The following KLHL1 variants were observed in gnomAD, a reference collection of about 807,000 sequenced individuals.
The protein encoded by KLHL1 is kelch like family member 1.
In KLHL1, 47 loss-of-function variants were observed where a neutral mutation model predicts 77.7. That is an observed-to-expected ratio of 0.60 (90% confidence interval 0.48 to 0.77). The LOEUF (loss-of-function observed/expected upper bound fraction) is 0.77. KLHL1 is among the 30% of genes least tolerant of loss of function. The pLI is 0.00. For synonymous variants in KLHL1, 360 were observed against 325.2 expected (o/e 1.11, Z -1.15); for missense variants, 925 against 910.8 (o/e 1.02, Z -0.20).
At chr13:69,881,362 A>T (rs1880981561) in intron 5 of KLHL1, among the ~76,000 whole-genome samples, 1 of 152,100 alleles carries the variant, frequency 6.6e-6, no homozygotes, top group African/African-American at 2.4e-5. Flanking sequence ...TCTCTGTTTT[A>T]TATTTTTAGT....
At chr13:69,793,621 AAT>A (rs1280463687) in intron 7 of KLHL1, among the ~76,000 whole-genome samples, 2 of 152,012 alleles carry the variant, frequency 1.3e-5, no homozygotes, top group African/African-American at 4.8e-5. Flanking sequence ...TTGAATGTAT[AAT>A]ATGTTATTAT....
At chr13:69,941,219 A>T (rs1162832851) in intron 3 of KLHL1, among the ~76,000 whole-genome samples, 1 of 152,070 alleles carries the variant, frequency 6.6e-6, no homozygotes, top group Non-Finnish European at 1.5e-5. Flanking sequence ...AGTCTCAATC[A>T]ATTTAAGAAA....
intron 1 of KLHL1, among the ~76,000 whole-genome samples, chr13:70,035,703 G>T (rs1246120072): frequency 6.6e-6 from 1 of 151,986 alleles, no homozygotes; most frequent in Admixed American, 6.6e-5. Context: ...AGCAGCAGGA[G>T]CACATGTGCC....
chr13:69,883,614 A>G (rs1040208624), intron 4 of KLHL1, among the ~76,000 whole-genome samples: 1 of 152,208 alleles, frequency 6.6e-6, no homozygotes, highest in Non-Finnish European at 1.5e-5. Context: ...CCTGATTTAT[A>G]TAACCTTGTA....
intron 5 of KLHL1, among the ~76,000 whole-genome samples, chr13:69,842,814 A>T (rs1429298342): frequency 6.6e-6 from 1 of 151,902 alleles, no homozygotes; most frequent in Admixed American, 6.6e-5. Context: ...TAATGAATAA[A>T]GAAAATGTGG....
chr13:69,735,977 C>T (rs1873745167), intron 8 of KLHL1, among the ~76,000 whole-genome samples: 1 of 152,014 alleles, frequency 6.6e-6, no homozygotes, highest in African/African-American at 2.4e-5. Context: ...TGTGTATGCA[C>T]ATATACAGTG....
intron 9 of KLHL1, among the ~76,000 whole-genome samples, chr13:69,713,545 TAA>T (rs1875976769): frequency 6.6e-6 from 1 of 152,172 alleles, no homozygotes; most frequent in African/African-American, 2.4e-5. Context: ...GTCATTGTAT[TAA>T]GTTACATTTA....
intron 7 of KLHL1, among the ~76,000 whole-genome samples, chr13:69,757,177 C>T (rs527452979): frequency 4.6e-5 from 7 of 152,128 alleles, no homozygotes; most frequent in South Asian, 4.2e-4. Flanking sequence ...TTATCATTTC[C>T]GTGAACCTCC....
chr13:69,816,885 G>C (rs1382735877), intron 6 of KLHL1, among the ~76,000 whole-genome samples: 2 of 152,060 alleles, frequency 1.3e-5, no homozygotes, highest in African/African-American at 4.8e-5. Flanking sequence ...CTGAACCCAG[G>C]AGGCAGAGTT....
intron 7 of KLHL1, among the ~76,000 whole-genome samples, chr13:69,768,889 T>G (rs1875436258): frequency 6.6e-6 from 1 of 152,210 alleles, no homozygotes. Context: ...GAACTAACAT[T>G]CTTTTTAATG....
chr13:69,957,784 T>C (rs980349694), intron 3 of KLHL1, among the ~76,000 whole-genome samples: 3 of 151,820 alleles, frequency 2.0e-5, no homozygotes, highest in Non-Finnish European at 4.4e-5. Flanking sequence ...GCAGATTTTC[T>C]AGTAGAAAAC....
chr13:70,024,634 C>CTCTTTCTCTCTTTCTCTCTT (rs1287640796), intron 1 of KLHL1, among the ~76,000 whole-genome samples: 2 of 83,654 alleles, frequency 2.4e-5, no homozygotes, highest in East Asian at 5.0e-4. Flanking sequence ...CTCTCTCTCT[C>CTCTTTCTCTCTTTCTCTCTT]TCTCTCTCTC....
intron 6 of KLHL1, among the ~76,000 whole-genome samples, chr13:69,826,286 A>G (rs1878544833): frequency 6.6e-6 from 1 of 152,206 alleles, no homozygotes; most frequent in Non-Finnish European, 1.5e-5. Context: ...TATAGTTAAT[A>G]ACAATGTATT....
intron 6 of KLHL1, among the ~76,000 whole-genome samples, chr13:69,831,312 T>A (rs1172353324): frequency 6.7e-6 from 1 of 150,014 alleles, no homozygotes; most frequent in African/African-American, 2.5e-5. Flanking sequence ...AGGACTACTA[T>A]GATCACCTTT....
chr13:70,057,135 T>A (rs1481942505), intron 1 of KLHL1, among the ~76,000 whole-genome samples: 1 of 152,080 alleles, frequency 6.6e-6, no homozygotes, highest in East Asian at 1.9e-4. Flanking sequence ...CAAATGATCA[T>A]TAGAGACTGC....
rs140867954 is a variant in KLHL1 at position 69,771,435 on chromosome 13, G to T, written c.1639+25303C>A. On this transcript the variant is annotated intron_variant, in intron 7 of 10. Coordinates refer to ENST00000377844, the MANE Select transcript of KLHL1 (RefSeq NM_020866.3). ...CTCCTCATTTTAAATTTTTTAGAGG[G>T]ATGCTGAAAGGTTGATATGCCTCTA... Among the ~76,000 whole-genome samples, 14 of 152,168 alleles carry T rather than the reference G, an allele frequency of 9.2e-5. No homozygotes were observed. In the South Asian group the frequency reaches 1.5e-3, roughly 16 times the overall value.
intron 1 of KLHL1, among the ~76,000 whole-genome samples, chr13:70,030,013 G>C (rs2137364410): frequency 6.6e-6 from 1 of 152,288 alleles, no homozygotes; most frequent in East Asian, 1.9e-4. Flanking sequence ...TTACATAATG[G>C]TAAAGGGATC....
At position 69,875,904 on chromosome 13, in the gene KLHL1, A is replaced by G. The variant is rs560275759; in HGVS notation, c.1227+6379T>C. On this transcript the variant is annotated intron_variant, in intron 5 of 10. Transcript: ENST00000377844. ...TAGCTTTGTAGAGAAGACTATCTCA[A>G]TAATGATGGCCTGGTATAATCATTA... 1.9e-3 allele frequency among the ~76,000 whole-genome samples: 282 copies of G among 152,104 alleles called. 2 individuals are homozygous for G. The highest frequency in any genetic ancestry group is 3.5e-3 in the Non-Finnish European group (235 of 67,990).
At chr13:69,869,084 T>C (rs951853339) in intron 5 of KLHL1, among the ~76,000 whole-genome samples, 3 of 151,966 alleles carry the variant, frequency 2.0e-5, no homozygotes, top group African/African-American at 7.2e-5. Flanking sequence ...TCACTTCAAA[T>C]CAACAAATAT....
Sources: allele counts gnomAD v4.1 joint callset (sites outside exome capture counted in the v4.1 genomes callset), GRCh38; gene constraint gnomAD v4.1.1; transcripts MANE v1.5; gene names NCBI Gene and HGNC (gene_info 2026-07-23, HGNC 2026-07-21).